Variants in DST observed in about 807,000 individuals in gnomAD.
The protein encoded by DST is dystonin.
DST carries 253 observed loss-of-function variants against 875.2 expected under a neutral mutation model. That is an observed-to-expected ratio of 0.29 (90% CI 0.26 to 0.32). The LOEUF (loss-of-function observed/expected upper bound fraction) is 0.32, where lower values mean the gene tolerates loss of function less well. Among genes scored for constraint, DST ranks in the 10% least tolerant of loss-of-function variants. The pLI, the probability that DST is intolerant of heterozygous loss-of-function variation, is 1.00. For missense variants in DST, 8,287 were observed against 9,111.6 expected (o/e 0.91, Z 3.68); for synonymous variants, 3,124 against 3,197.1 (o/e 0.98, Z 0.77).
chr6:56,864,503 G>A (rs1015356738), intron 3 of DST, among the ~76,000 whole-genome samples: 8 of 152,044 alleles, frequency 5.3e-5, no homozygotes, highest in African/African-American at 1.9e-4. Context: ...TTTATGGAAA[G>A]TAGGCAGGAC....
At chr6:56,899,910 C>T (rs1255793985) in intron 3 of DST, among the ~76,000 whole-genome samples, 1 of 152,166 alleles carries the variant, frequency 6.6e-6, no homozygotes, top group Non-Finnish European at 1.5e-5. Flanking sequence ...AAAGGCCACA[C>T]CTGAGAAGGC....
chr6:56,772,388 G>T (rs529481986), intron 4 of DST, among the ~76,000 whole-genome samples: 1 of 152,260 alleles, frequency 6.6e-6, no homozygotes, highest in South Asian at 2.1e-4. Flanking sequence ...CATACTAGAA[G>T]AGCGTGGGGC....
At chr6:56,919,625 A>G (rs893814135) in intron 2 of DST, among the ~76,000 whole-genome samples, 4 of 152,162 alleles carry the variant, frequency 2.6e-5, no homozygotes, top group African/African-American at 9.7e-5. Flanking sequence ...CATCTTTATT[A>G]TTTACTAAAC....
At chr6:56,738,820 G>A (rs191443697) in intron 4 of DST, among the ~76,000 whole-genome samples, 8 of 151,290 alleles carry the variant, frequency 5.3e-5, no homozygotes, top group Non-Finnish European at 8.8e-5. Context: ...ATGGGGTTTC[G>A]TCATGTTGCC....
rs187049845 is a variant in DST at position 56,548,317 on chromosome 6, T to C, written c.16608+3867A>G. Among the ~76,000 whole-genome samples the C allele has an allele frequency of 2.3e-3, 355 of 152,310 alleles. 1 individual carries two copies. The highest frequency in any genetic ancestry group is 3.4e-3 in the Non-Finnish European group (229 of 68,022). Reference sequence around the variant, plus strand: ...ATGGGTGGGACAAGCTTGGCCTAGATAGAGGTGGGGAAGGTACAGATTTAG... The same window carrying C: ...ATGGGTGGGACAAGCTTGGCCTAGACAGAGGTGGGGAAGGTACAGATTTAG... On this transcript the variant is annotated intron_variant, in intron 61 of 103. Coordinates refer to ENST00000680361, the MANE Select transcript of DST (RefSeq NM_001374736.1).
intron 46 of DST, 111 bp from the exon 47 acceptor site, chr6:56,598,117 A>C (rs2098409024): frequency 4.8e-6 from 5 of 1,044,508 alleles, no homozygotes; most frequent in African/African-American, 1.6e-5. Context: ...AGGGTACTAA[A>C]AACTGACACA....
chr6:56,534,787 C>A (rs2096964438), intron 63 of DST, among the ~76,000 whole-genome samples: 1 of 152,132 alleles, frequency 6.6e-6, no homozygotes, highest in Non-Finnish European at 1.5e-5. Context: ...TCTCCCCGAT[C>A]CCTGCTTTAT....
intron 4 of DST, among the ~76,000 whole-genome samples, chr6:56,757,203 TTTTCAG>T (rs1251705895): frequency 6.6e-6 from 1 of 152,208 alleles, no homozygotes; most frequent in Admixed American, 6.5e-5. Context: ...GGATTTATTT[TTTTCAG>T]GAAAGGCTTT....
chr6:56,810,996 A>G (rs1176938810), intron 4 of DST, among the ~76,000 whole-genome samples: 1 of 151,804 alleles, frequency 6.6e-6, no homozygotes, highest in Non-Finnish European at 1.5e-5. Context: ...AGCCTGGGCA[A>G]CATAGTGAGA....
intron 4 of DST, among the ~76,000 whole-genome samples, chr6:56,773,931 A>C (rs1445165467): frequency 1.3e-5 from 2 of 152,084 alleles, no homozygotes; most frequent in East Asian, 1.9e-4. Context: ...CAGTTTGGCC[A>C]ACATGGTGAG....
At chr6:56,802,663 T>C (rs2099748578) in intron 4 of DST, among the ~76,000 whole-genome samples, 2 of 152,184 alleles carry the variant, frequency 1.3e-5, no homozygotes, top group Admixed American at 6.5e-5. Context: ...CCCTACTTTT[T>C]AGTAGCAAGA....
chr6:56,625,677 G>A (rs79006648), intron 34 of DST, among the ~76,000 whole-genome samples: 1,828 of 151,384 alleles, frequency 0.012, 30 homozygotes, highest in African/African-American at 0.042. Flanking sequence ...TATGTTACTG[G>A]TCTATATATT....
At chr6:56,840,009 T>C (rs1449360781) in intron 4 of DST, among the ~76,000 whole-genome samples, 5 of 152,162 alleles carry the variant, frequency 3.3e-5, no homozygotes, top group Non-Finnish European at 5.9e-5. Context: ...ACGGATTTAC[T>C]TCCAGATCAA....
At chr6:56,493,450 G>C (rs2095813649) in intron 83 of DST, among the ~76,000 whole-genome samples, 1 of 151,960 alleles carries the variant, frequency 6.6e-6, no homozygotes, top group South Asian at 2.1e-4. Context: ...CATACTTTAT[G>C]CTCCATCAGT....
Position 56,592,347 on chromosome 6 carries a change from A to G in DST, c.12738T>C (p.Leu4246=), listed in dbSNP as rs1374400691. ...CCACCAGATCTTTAAGATTATTTCC[A>G]AGAACATTGCACTAACAATCAAAAG... The part of the protein sequence containing the change: ...FRSLYSKCNV[L]GNNLKDLVDK... The change falls in exon 49 of 104, where the codon CTT becomes CTC. Residue 4246 remains leucine, a synonymous_variant. Coordinates refer to ENST00000680361, the MANE Select transcript of DST (RefSeq NM_001374736.1). 6.3e-7 allele frequency: 1 copy of G among 1,592,956 alleles called. No homozygotes were observed. Among genetic ancestry groups the G allele is most frequent in the South Asian group, 1.1e-5 (1 of 87,958 alleles).
chr6:56,585,461 T>C (rs919049911), intron 49 of DST, among the ~76,000 whole-genome samples: 1 of 152,122 alleles, frequency 6.6e-6, no homozygotes, highest in Non-Finnish European at 1.5e-5. Flanking sequence ...CATTTTTTAT[T>C]GCGTCTATTT....
chr6:56,517,731 T>G (rs550660479), intron 69 of DST, 111 bp from the exon 70 acceptor site: 1 of 1,267,050 alleles, frequency 7.9e-7, no homozygotes, highest in African/African-American at 1.5e-5. Context: ...AATCCGAGCT[T>G]GTCTCCTCAT....
intron 9 of DST, 108 bp downstream of exon 9, chr6:56,699,545 C>T: frequency 5.1e-6 from 3 of 590,754 alleles, no homozygotes; most frequent in Non-Finnish European, 8.7e-6. Context: ...AAGAAAGAAG[C>T]TTGAAATTTA....
At chr6:56,871,092 A>C (rs1776876708) in intron 3 of DST, 1 of 533,654 alleles carries the variant, frequency 1.9e-6, no homozygotes, top group Admixed American at 3.2e-5. Flanking sequence ...CAGAAGAGAA[A>C]ACATATATGG....
Sources: allele counts gnomAD v4.1 joint callset (sites outside exome capture counted in the v4.1 genomes callset), GRCh38; gene constraint gnomAD v4.1.1; transcripts MANE v1.5; gene names NCBI Gene and HGNC (gene_info 2026-07-23, HGNC 2026-07-21).